Variants in SGPP2 observed in about 807,000 individuals in gnomAD.
SGPP2 encodes sphingosine-1-phosphate phosphatase 2, also known as sphingosine 1-phosphate phosphohydrolase 2.
SGPP2 carries 30 observed loss-of-function variants against 33.9 expected under a neutral mutation model. The observed-to-expected ratio is 0.89, with a 90% CI of 0.66 to 1.20. SGPP2 has a LOEUF of 1.20. Among genes scored for constraint, SGPP2 ranks in the 50% most tolerant of loss-of-function variants. The probability of loss-of-function intolerance (pLI) is 0.00; values close to 1 mark genes in which losing one functional copy is unlikely to be tolerated. For synonymous variants in SGPP2, 233 were observed against 225.0 expected, an observed-to-expected ratio of 1.04 and a Z score of -0.32; for missense variants, 458 against 532.1, an observed-to-expected ratio of 0.86 and a Z score of 1.37.
chr2:222,436,899 C>T (rs1697250457), intron 1 of SGPP2, among the ~76,000 whole-genome samples: 1 of 152,196 alleles, frequency 6.6e-6, no homozygotes, highest in South Asian at 2.1e-4. Flanking sequence ...ATTGGGCACT[C>T]AGCAGTGGCC....
chr2:222,426,910 G>A lies in SGPP2; in HGVS notation c.219+2089G>A, dbSNP rs540241077. 3.3e-3 allele frequency among the ~76,000 whole-genome samples: 505 copies of A among 152,266 alleles called. 3 individuals carry two copies. The highest frequency in any genetic ancestry group is 0.011 in the African/African-American group (459 of 41,558). On this transcript the variant is annotated intron_variant, in intron 1 of 4. Coordinates refer to ENST00000321276, the MANE Select transcript of SGPP2 (RefSeq NM_152386.4). Reference sequence around the variant, plus strand: ...CCTCTCTGCAGGCCTTTGTACAGGCGTTGGCCTGCCTGAGCTGCCTGTCTT... The same window carrying A: ...CCTCTCTGCAGGCCTTTGTACAGGCATTGGCCTGCCTGAGCTGCCTGTCTT...
chr2:222,548,494 T>C (rs1202452920), intron 4 of SGPP2, among the ~76,000 whole-genome samples: 2 of 152,078 alleles, frequency 1.3e-5, no homozygotes, highest in Non-Finnish European at 2.9e-5. Context: ...CTAGTGATTT[T>C]TAGTTCTAGA....
intron 1 of SGPP2, among the ~76,000 whole-genome samples, chr2:222,449,626 C>T (rs1346406428): frequency 5.3e-5 from 8 of 152,120 alleles, no homozygotes; most frequent in Admixed American, 3.3e-4. Flanking sequence ...CCTGCCACCA[C>T]GCCCTGCTAA....
At chr2:222,431,595 A>G (rs1697157132) in intron 1 of SGPP2, among the ~76,000 whole-genome samples, 1 of 152,170 alleles carries the variant, frequency 6.6e-6, no homozygotes, top group African/African-American at 2.4e-5. Context: ...AAGAAAACCA[A>G]CATGGGAGGA....
rs573538832 is a variant in SGPP2 at position 222,476,539 on chromosome 2, G to A, written c.378+1813G>A. ...TCCAGTTGTCCCTCCCCGTTTCTGA[G>A]GCCACTTCTGTGTCCACGGAGCAGG... is the stretch of plus-strand genomic sequence containing the variant. On this transcript the variant is annotated intron_variant, in intron 2 of 4. Coordinates refer to ENST00000321276, the MANE Select transcript of SGPP2 (RefSeq NM_152386.4). The surrounding 1 kb of genome is among the most constrained non-coding windows in gnomAD (Gnocchi z 4.3). 1.5e-4 allele frequency among the ~76,000 whole-genome samples: 23 copies of A among 152,114 alleles called. No individual in the cohort carries two copies. The highest frequency in any genetic ancestry group is 3.4e-4 in the Non-Finnish European group (23 of 68,030).
chr2:222,452,380 A>C, intron 1 of SGPP2: 6 of 730,854 alleles, frequency 8.2e-6, no homozygotes. Flanking sequence ...CAAATTGAGT[A>C]ATATCAATTT....
intron 2 of SGPP2, among the ~76,000 whole-genome samples, chr2:222,506,225 C>A (rs960113682): frequency 6.6e-6 from 1 of 152,172 alleles, no homozygotes; most frequent in Non-Finnish European, 1.5e-5. Context: ...AATTACATCA[C>A]AGTAAAAAGT....
intron 4 of SGPP2, among the ~76,000 whole-genome samples, chr2:222,540,113 T>C (rs921938267): frequency 6.6e-6 from 1 of 152,366 alleles, no homozygotes; most frequent in East Asian, 1.9e-4. Flanking sequence ...GTATACCTTA[T>C]CTGAAATGCT....
intron 4 of SGPP2, among the ~76,000 whole-genome samples, chr2:222,532,380 C>T (rs1258467781): frequency 1.3e-5 from 2 of 152,192 alleles, no homozygotes; most frequent in African/African-American, 2.4e-5. Context: ...ATTTGCTTAT[C>T]CCGCCTCTTA....
At chr2:222,446,349 C>A in intron 1 of SGPP2, among the ~76,000 whole-genome samples, 1 of 151,720 alleles carries the variant, frequency 6.6e-6, no homozygotes, top group South Asian at 2.1e-4. Flanking sequence ...CCCAAGAAAA[C>A]CTTTTTTCTT....
At position 222,453,740 on chromosome 2, in the gene SGPP2, T is replaced by G. The variant is rs920699530; in HGVS notation, c.220-20828T>G. ...AAAATATATGTTGATTGACTGTTTA[T>G]GTTATAAGTAAGGCTTCCAGTTAAC... On this transcript the variant is annotated intron_variant, in intron 1 of 4. Coordinates refer to ENST00000321276, the MANE Select transcript of SGPP2 (RefSeq NM_152386.4). Among the ~76,000 whole-genome samples the G allele has an allele frequency of 1.1e-4, 17 of 152,354 alleles. No homozygotes were observed. In the South Asian group the frequency reaches 1.2e-3, roughly 11 times the overall value.
chr2:222,443,257 ATT>A (rs1318499527), intron 1 of SGPP2, among the ~76,000 whole-genome samples: 6 of 152,086 alleles, frequency 3.9e-5, no homozygotes, highest in African/African-American at 1.4e-4. Flanking sequence ...TTGAGTACAT[ATT>A]CAGATTTGTT....
chr2:222,533,022 G>A (rs1004950010), intron 4 of SGPP2, among the ~76,000 whole-genome samples: 3 of 152,162 alleles, frequency 2.0e-5, no homozygotes, highest in African/African-American at 7.2e-5. Context: ...ATGGTGAAAG[G>A]CATTCTATGT....
chr2:222,555,513 A>ACAG (rs1000592892), intron 4 of SGPP2, among the ~76,000 whole-genome samples: 8 of 139,554 alleles, frequency 5.7e-5, no homozygotes, highest in African/African-American at 8.2e-5. Flanking sequence ...AAGGGAGCTG[A>ACAG]CAGGACATCC....
At chr2:222,424,036 TG>T (rs1319823497), upstream of SGPP2, among the ~76,000 whole-genome samples, 2 of 152,050 alleles carry the variant, frequency 1.3e-5, no homozygotes, top group African/African-American at 2.4e-5. Context: ...GAATTCTCCC[TG>T]GGGGGCTCGC....
chr2:222,444,275 G>A (rs1697367718), intron 1 of SGPP2, among the ~76,000 whole-genome samples: 1 of 152,162 alleles, frequency 6.6e-6, no homozygotes, highest in Non-Finnish European at 1.5e-5. Context: ...TGCAGCATAG[G>A]GAAGCATTCA....
intron 2 of SGPP2, among the ~76,000 whole-genome samples, chr2:222,481,108 G>C (rs1391431544): frequency 6.6e-6 from 1 of 152,184 alleles, no homozygotes; most frequent in Non-Finnish European, 1.5e-5. Flanking sequence ...TGGCAGGAGG[G>C]AGAGCATCAG....
intron 2 of SGPP2, among the ~76,000 whole-genome samples, chr2:222,487,931 C>CCATA (rs1698137091): frequency 6.6e-6 from 1 of 152,168 alleles, no homozygotes; most frequent in Non-Finnish European, 1.5e-5. Context: ...CCTCTACAAC[C>CCATA]CATACTCCAC....
chr2:222,506,476 C>T lies in SGPP2; in HGVS notation c.379-15291C>T, dbSNP rs763120024. Among the ~76,000 whole-genome samples the T allele has an allele frequency of 3.3e-4, 50 of 152,138 alleles. 1 individual carries two copies. The highest frequency in any genetic ancestry group is 8.8e-5 in the Non-Finnish European group (6 of 68,028). On this transcript the variant is annotated intron_variant, in intron 2 of 4. Coordinates refer to ENST00000321276, the MANE Select transcript of SGPP2 (RefSeq NM_152386.4). The stretch of plus-strand genomic sequence containing the variant: ...TGATTCATCTTGTAAACAGTTGATG[C>T]GCTGATAAACACAACACAGTACTGG...
Sources: allele counts gnomAD v4.1 joint callset (sites outside exome capture counted in the v4.1 genomes callset), GRCh38; gene constraint gnomAD v4.1.1; non-coding constraint Gnocchi (gnomAD v3.1); transcripts MANE v1.5; gene names NCBI Gene and HGNC (gene_info 2026-07-23, HGNC 2026-07-21).